The following ZDHHC21 variants were observed in gnomAD, a reference collection of about 807,000 sequenced individuals.
ZDHHC21 encodes palmitoyltransferase ZDHHC21.
A neutral mutation model predicts 34.6 loss-of-function variants in ZDHHC21; 15 were observed. The ratio of observed to expected loss-of-function variants is 0.43; its 90% CI spans 0.29 to 0.67. The LOEUF (loss-of-function observed/expected upper bound fraction) is 0.67. ZDHHC21 is among the 30% of genes least tolerant of loss of function. The pLI, the probability that ZDHHC21 is intolerant of heterozygous loss-of-function variation, is 0.14. For synonymous variants in ZDHHC21, 142 were observed against 101.8 expected, an observed-to-expected ratio of 1.40 and a Z score of -2.38; for missense variants, 344 against 327.7, an observed-to-expected ratio of 1.05 and a Z score of -0.38.
the ZDHHC21 span, among the ~76,000 whole-genome samples, chr9:14,590,915 G>T: frequency 1.2e-4 from 18 of 152,120 alleles, no homozygotes; most frequent in East Asian, 3.3e-3. Context: ...TAATAATAAT[G>T]TATCAGGAAG....
At chr9:14,684,696 A>G (rs2131643045) in intron 2 of ZDHHC21, among the ~76,000 whole-genome samples, 1 of 151,710 alleles carries the variant, frequency 6.6e-6, no homozygotes, top group Non-Finnish European at 1.5e-5. Context: ...GAATTGGAAA[A>G]AACTACTTTA....
chr9:14,644,541 T>G (rs909323605), intron 7 of ZDHHC21, among the ~76,000 whole-genome samples: 12 of 151,944 alleles, frequency 7.9e-5, no homozygotes, highest in African/African-American at 2.9e-4. Flanking sequence ...GAAAGACCAT[T>G]TATCTGATTA....
chr9:14,594,670 A>C, the ZDHHC21 span, among the ~76,000 whole-genome samples: 1 of 152,230 alleles, frequency 6.6e-6, no homozygotes, highest in Non-Finnish European at 1.5e-5. Flanking sequence ...TATCAAAAGC[A>C]TGATCACTTT....
chr9:14,682,927 CTGAGTGA>C (rs1837631319), intron 2 of ZDHHC21, among the ~76,000 whole-genome samples: 1 of 152,202 alleles, frequency 6.6e-6, no homozygotes, highest in Non-Finnish European at 1.5e-5. Flanking sequence ...CAACCTGCTC[CTGAGTGA>C]CTACTAGGTA....
intron 7 of ZDHHC21, among the ~76,000 whole-genome samples, chr9:14,653,085 C>G (rs1369883607): frequency 6.6e-6 from 1 of 151,952 alleles, no homozygotes; most frequent in Non-Finnish European, 1.5e-5. Flanking sequence ...GTATAATAAT[C>G]ATTAATGCAA....
At chr9:14,661,841 A>G (rs1291464025) in intron 6 of ZDHHC21, among the ~76,000 whole-genome samples, 5 of 152,218 alleles carry the variant, frequency 3.3e-5, no homozygotes, top group African/African-American at 9.6e-5. Flanking sequence ...GGGGATATAA[A>G]CATTCGGATG....
In ZDHHC21 at chr9:14,677,674, G is replaced by A. The variant is rs148969472; in HGVS notation, c.-46+2359C>T. 8.2e-4 allele frequency among the ~76,000 whole-genome samples: 124 copies of A among 152,108 alleles called. 1 individual carries two copies. Among genetic ancestry groups the A allele is most frequent in the African/African-American group, 2.7e-3 (113 of 41,528 alleles). On this transcript the variant is annotated intron_variant, in intron 3 of 9. Coordinates refer to ENST00000380916, the MANE Select transcript of ZDHHC21 (RefSeq NM_178566.6). The stretch of plus-strand genomic sequence containing the variant: ...CAACATTTTTTAAGATTGCTATCTG[G>A]TAACTATAGTTGACTACAGTGACTA...
At position 14,617,589 on chromosome 9, in the gene ZDHHC21, G is replaced by A. The variant is rs1824458273; in HGVS notation, c.*1377C>T. On this transcript the variant is annotated 3_prime_UTR_variant, in exon 10 of 10. Coordinates refer to ENST00000380916, the MANE Select transcript of ZDHHC21 (RefSeq NM_178566.6). ...ATCTTCTCTTCAAGGGAAAGACTGTGAGTACATAAATTTTTTAAAAAGATA... is the reference window on the plus strand; with the variant it reads ...ATCTTCTCTTCAAGGGAAAGACTGTAAGTACATAAATTTTTTAAAAAGATA... 1 of 151,888 alleles carries A rather than the reference G, an allele frequency of 6.6e-6. No individual in the cohort carries two copies. The highest frequency in any genetic ancestry group is 6.6e-5 in the Admixed American group (1 of 15,206). 9.4% of individuals were successfully genotyped at this position (151,888 alleles called of 1,614,324 possible). A position where few individuals can be genotyped will look rare whatever the true frequency, so the allele number is the denominator to read the frequency against.
At chr9:14,630,061 C>CA (rs1324830438) in intron 8 of ZDHHC21, among the ~76,000 whole-genome samples, 5 of 151,932 alleles carry the variant, frequency 3.3e-5, no homozygotes, top group Admixed American at 1.3e-4. Flanking sequence ...AACAAACAAG[C>CA]AAAAAAACCA....
chr9:14,659,495 G>A (rs1340263806), intron 6 of ZDHHC21, among the ~76,000 whole-genome samples: 2 of 152,126 alleles, frequency 1.3e-5, no homozygotes, highest in African/African-American at 4.8e-5. Context: ...GAGGATTAAT[G>A]TTACAATAAA....
chr9:14,670,859 A>G (rs1237005467), intron 5 of ZDHHC21, among the ~76,000 whole-genome samples: 1 of 152,036 alleles, frequency 6.6e-6, no homozygotes, highest in Non-Finnish European at 1.5e-5. Context: ...AAGAAAAAAA[A>G]TCCATCCATC....
At chr9:14,621,751 G>T (rs1050681257) in intron 8 of ZDHHC21, among the ~76,000 whole-genome samples, 1 of 152,018 alleles carries the variant, frequency 6.6e-6, no homozygotes, top group African/African-American at 2.4e-5. Context: ...ATACAAATTA[G>T]GTTATCACAT....
intron 8 of ZDHHC21, among the ~76,000 whole-genome samples, chr9:14,638,622 C>T (rs1297452142): frequency 6.6e-6 from 1 of 151,480 alleles, no homozygotes; most frequent in Non-Finnish European, 1.5e-5. Context: ...AACACTTGAA[C>T]TTTTTGCTTG....
intron 2 of ZDHHC21, among the ~76,000 whole-genome samples, chr9:14,688,547 A>G (rs1587502860): frequency 6.8e-6 from 1 of 147,542 alleles, no homozygotes; most frequent in Admixed American, 6.6e-5. Context: ...ACACAGCCAG[A>G]CCTAGCCACT....
chr9:14,607,173 G>A (rs1424648360), downstream of ZDHHC21, among the ~76,000 whole-genome samples: 2 of 151,138 alleles, frequency 1.3e-5, no homozygotes, highest in Admixed American at 1.3e-4. Flanking sequence ...AAGAGGGTGG[G>A]CATGGTGGCT....
At chr9:14,687,234 G>T (rs1035379332) in intron 2 of ZDHHC21, among the ~76,000 whole-genome samples, 4 of 150,704 alleles carry the variant, frequency 2.7e-5, no homozygotes, top group Non-Finnish European at 5.9e-5. Flanking sequence ...TCACTTGCTG[G>T]CTTAAAATCA....
chr9:14,596,875 T>C, the ZDHHC21 span, among the ~76,000 whole-genome samples: 21 of 152,022 alleles, frequency 1.4e-4, no homozygotes, highest in East Asian at 1.2e-3. Context: ...AGAGAGAACA[T>C]TGGAATTCAG....
At chr9:14,646,758 G>C (rs1022630706) in intron 7 of ZDHHC21, among the ~76,000 whole-genome samples, 5 of 152,008 alleles carry the variant, frequency 3.3e-5, no homozygotes, top group African/African-American at 1.2e-4. Context: ...CCTTTTCCTT[G>C]ACCAAATTAC....
chr9:14,644,483 G>A (rs1829938697), intron 7 of ZDHHC21, among the ~76,000 whole-genome samples: 1 of 151,882 alleles, frequency 6.6e-6, no homozygotes, highest in Non-Finnish European at 1.5e-5. Flanking sequence ...ATCTTAGCAT[G>A]CTATAGTTGG....
Sources: allele counts gnomAD v4.1 joint callset (sites outside exome capture counted in the v4.1 genomes callset), GRCh38; gene constraint gnomAD v4.1.1; transcripts MANE v1.5; gene names NCBI Gene and HGNC (gene_info 2026-07-23, HGNC 2026-07-21).